The following TFAP2A variants were observed in gnomAD, a reference collection of about 807,000 sequenced individuals.
The protein encoded by TFAP2A is transcription factor AP-2 alpha.
A neutral mutation model predicts 41.5 loss-of-function variants in TFAP2A; 7 were observed. That is an observed-to-expected ratio of 0.17 (90% CI 0.10 to 0.32). The LOEUF is 0.32. Ranked by LOEUF, TFAP2A falls within the 10% of genes least tolerant of loss-of-function variation. TFAP2A has a pLI of 1.00. For synonymous variants in TFAP2A, 247 were observed against 242.8 expected (o/e 1.02, Z -0.16); for missense variants, 416 against 563.3 (o/e 0.74, Z 2.65).
Position 10,397,784 on chromosome 6 carries a change from GA to G in TFAP2A, c.*632del. On this transcript the variant is annotated 3_prime_UTR_variant, in exon 7 of 7. Transcript: ENST00000379613. ...TATAACTGCGAATCGTGTTGCCAGA[GA>G]AAGTTCAAGTTGGTCGCTTTACCTT... 1.1e-6 allele frequency: 1 copy of G among 891,272 alleles called. No individual in the cohort carries two copies. Among genetic ancestry groups the G allele is most frequent in the Non-Finnish European group, 1.3e-6 (1 of 743,946 alleles). The allele number at this position is 891,272 out of a possible 1,614,324, so 55.2% of individuals were successfully genotyped here.
At chr6:10,415,287 C>G (rs1758201626), upstream of TFAP2A, 2 of 1,398,962 alleles carry the variant, frequency 1.4e-6, no homozygotes, top group Admixed American at 5.8e-5. Context: ...CCTTTTCCAG[C>G]TCTTTACCAA....
chr6:10,409,786 A>T, intron 2 of TFAP2A, 115 bp downstream of exon 2: 1 of 1,288,044 alleles, frequency 7.8e-7, no homozygotes. Context: ...AAATGTTTTT[A>T]TAAGGAAATA....
At position 10,411,628 on chromosome 6, in the gene TFAP2A, G is replaced by A; in HGVS notation, c.52-1293C>T. The A allele has an allele frequency of 1.9e-6, 3 of 1,613,740 alleles. No homozygotes were observed. The South Asian group carries it at 3.3e-5, about 18-fold the overall frequency. Reference sequence around the variant, plus strand: ...AGAGTCTGGGGTAACGAGTCAGGGTGGAAAAAAACAAGCAAGCCTGGAGCG... The same window carrying A: ...AGAGTCTGGGGTAACGAGTCAGGGTAGAAAAAAACAAGCAAGCCTGGAGCG... On this transcript the variant is annotated intron_variant, in intron 1 of 6. Coordinates refer to ENST00000379613, the MANE Select transcript of TFAP2A (RefSeq NM_001372066.1).
intron 1 of TFAP2A, chr6:10,411,659 CTG>C: frequency 6.2e-7 from 1 of 1,610,912 alleles, no homozygotes; most frequent in Non-Finnish European, 8.5e-7. Context: ...GAGCGCCCGG[CTG>C]CCCCGCCGCC....
At chr6:10,409,191 G>T (rs1490997487) in intron 2 of TFAP2A, 2 of 152,218 alleles carry the variant, frequency 1.3e-5, no homozygotes, top group African/African-American at 4.8e-5. Flanking sequence ...TGCATTTATT[G>T]ATAACTAAAT....
At chr6:10,404,784 C>T (rs768525762) in intron 3 of TFAP2A, 45 bp from the exon 4 acceptor site, 7 of 1,558,204 alleles carry the variant, frequency 4.5e-6, no homozygotes, top group South Asian at 4.5e-5. Flanking sequence ...TCGTGGATCA[C>T]CCCCAAATCC....
At chr6:10,416,106 T>G (rs1215718183), upstream of TFAP2A, 1 of 152,150 alleles carries the variant, frequency 6.6e-6, no homozygotes, top group African/African-American at 2.4e-5. Flanking sequence ...AAAACAGACG[T>G]GTGTGTGCCT....
At chr6:10,404,825 G>T in intron 3 of TFAP2A, 86 bp from the exon 4 acceptor site, 2 of 1,278,300 alleles carry the variant, frequency 1.6e-6, no homozygotes, top group Non-Finnish European at 2.2e-6. Flanking sequence ...CCCGGCCAGG[G>T]CCGGATCCCA....
upstream of TFAP2A, among the ~76,000 whole-genome samples, chr6:10,418,916 T>A (rs1397189770): frequency 6.6e-6 from 1 of 151,888 alleles, no homozygotes; most frequent in African/African-American, 2.4e-5. Flanking sequence ...ACATCCTAGA[T>A]CTCCCGAAAT....
intron 1 of TFAP2A, chr6:10,411,919 G>A (rs1757988809): frequency 8.2e-7 from 1 of 1,214,060 alleles, no homozygotes; most frequent in Non-Finnish European, 1.0e-6. Flanking sequence ...TGAGTGTGTG[G>A]GTGCGTGCGT....
Position 10,403,473 on chromosome 6 carries a change from T to C in TFAP2A, c.771-863A>G, listed in dbSNP as rs576187179. Among the ~76,000 whole-genome samples, 3 of 152,334 alleles carry C rather than the reference T, an allele frequency of 2.0e-5. No homozygotes were observed. In the East Asian group the frequency reaches 5.8e-4, roughly 29 times the overall value. ...AGGAAGAAAAGACTAGAATGGTTGATGTTAAACCCTTCCAAAAAATGATCT... is the reference window on the plus strand; with the variant it reads ...AGGAAGAAAAGACTAGAATGGTTGACGTTAAACCCTTCCAAAAAATGATCT... On this transcript the variant is annotated intron_variant, in intron 4 of 6. Coordinates refer to ENST00000379613, the MANE Select transcript of TFAP2A (RefSeq NM_001372066.1).
chr6:10,407,051 T>C, intron 2 of TFAP2A: 1 of 596,512 alleles, frequency 1.7e-6, no homozygotes, highest in South Asian at 2.0e-5. Flanking sequence ...ATGGCCAATT[T>C]CTCCTCCTCC....
chr6:10,398,186 G>A lies in TFAP2A; in HGVS notation c.*231C>T. On this transcript the variant is annotated 3_prime_UTR_variant, in exon 7 of 7. Transcript: ENST00000379613. The surrounding 1 kb of genome is among the most constrained non-coding windows in gnomAD (Gnocchi z 5.3). Reference sequence around the variant, plus strand: ...CATGAGGGCACAGGGGTGTGGGAGCGGGTGGGGAGGTCGAGGCGGGTGCAG... The same window carrying A: ...CATGAGGGCACAGGGGTGTGGGAGCAGGTGGGGAGGTCGAGGCGGGTGCAG... The A allele has an allele frequency of 6.9e-7, 1 of 1,445,312 alleles. No individual in the cohort carries two copies. 89.5% of individuals were successfully genotyped at this position (1,445,312 alleles called of 1,614,324 possible).
intron 1 of TFAP2A, 126 bp downstream of exon 1, chr6:10,414,815 G>T: frequency 1.6e-6 from 2 of 1,283,400 alleles, no homozygotes; most frequent in Non-Finnish European, 1.1e-6. Context: ...CGAGGGACGG[G>T]CGCTGCGCTG....
At position 10,397,503 on chromosome 6, in the gene TFAP2A, G is replaced by C. The variant is rs1761812209; in HGVS notation, c.*914C>G. 6.6e-6 allele frequency: 1 copy of C among 151,668 alleles called. No homozygotes were observed. The highest frequency in any genetic ancestry group is 1.5e-5 in the Non-Finnish European group (1 of 67,958). The allele number at this position is 151,668 out of a possible 1,614,324, so 9.4% of individuals were successfully genotyped here. A position where few individuals can be genotyped will look rare whatever the true frequency, so the allele number is the denominator to read the frequency against. ...TTTTTAAAAATTTGTCCAGCTGTTT[G>C]TCACCTTTAACATGCTACAACAGGG... On this transcript the variant is annotated 3_prime_UTR_variant, in exon 7 of 7. Coordinates refer to ENST00000379613, the MANE Select transcript of TFAP2A (RefSeq NM_001372066.1).
chr6:10,409,945 C>G lies in TFAP2A; in HGVS notation c.442G>C (p.Asp148His). Residue 148 changes from aspartate to histidine, a missense_variant, in exon 2 of 7, where the codon GAC (aspartate) becomes CAC (histidine). This residue lies in a region of TFAP2A where 241 missense variants were observed against 274.1 expected (regional missense o/e 0.88). Coordinates refer to ENST00000379613, the MANE Select transcript of TFAP2A (RefSeq NM_001372066.1). Reference protein sequence around the residue: ...GPHALSSGLGDLSIHSLPHAI... With the variant: ...GPHALSSGLGHLSIHSLPHAI... ...TGAGGTAAGGAGTGGATCGAGAGGT[C>G]TCCGAGTCCTGAGCTGAGCGCGTGT... The G allele has an allele frequency of 6.4e-7, 1 of 1,561,410 alleles. No individual in the cohort carries two copies. The highest frequency in any genetic ancestry group is 8.7e-7 in the Non-Finnish European group (1 of 1,152,694).
intron 2 of TFAP2A, chr6:10,409,577 T>C (rs947650637): frequency 4.3e-5 from 14 of 326,510 alleles, no homozygotes; most frequent in African/African-American, 2.6e-4. Context: ...TGGAAGTAGA[T>C]CTTTTAGCAA....
At chr6:10,406,012 A>G (rs1757699429) in intron 3 of TFAP2A, 1 of 152,232 alleles carries the variant, frequency 6.6e-6, no homozygotes, top group South Asian at 2.1e-4. Context: ...CTAGCTAACA[A>G]TATACTGATT....
upstream of TFAP2A, chr6:10,415,440 G>A (rs1288961708): frequency 2.2e-5 from 7 of 325,480 alleles, no homozygotes; most frequent in African/African-American, 6.4e-5. Flanking sequence ...CCTGCGAACT[G>A]ATAAAACCTT....
Sources: gnomAD v4.1 joint callset for allele counts (sites outside exome capture counted in the v4.1 genomes callset) on GRCh38, gnomAD v4.1.1 for gene constraint, gnomAD v4.1.1 regional missense constraint, Gnocchi (gnomAD v3.1) non-coding constraint, MANE v1.5 for transcripts, NCBI Gene and HGNC (gene_info 2026-07-23, HGNC 2026-07-21) for gene names.